WT1: variants seen among roughly 807,000 people sequenced by gnomAD.
WT1 encodes Wilms tumor protein.
In WT1, 8 loss-of-function variants were observed where a neutral mutation model predicts 60.8. The observed-to-expected ratio is 0.13, with a 90% confidence interval of 0.08 to 0.24. WT1 has a LOEUF of 0.24. WT1 is among the 10% of genes least tolerant of loss of function. The pLI is 1.00. For synonymous variants in WT1, 312 were observed against 297.1 expected (o/e 1.05, Z -0.52); for missense variants, 568 against 711.8 (o/e 0.80, Z 2.30).
At chr11:32,425,738 G>A (rs953710840) in intron 3 of WT1, among the ~76,000 whole-genome samples, 8 of 152,184 alleles carry the variant, frequency 5.3e-5, no homozygotes, top group Admixed American at 6.5e-5. Flanking sequence ...AATTTTCTGT[G>A]AGAGGGAAAA....
At chr11:32,414,034 A>G (rs538891504) in intron 5 of WT1, among the ~76,000 whole-genome samples, 5 of 152,334 alleles carry the variant, frequency 3.3e-5, no homozygotes, top group East Asian at 3.9e-4. Context: ...ACGGCACCCA[A>G]TACTGTTTAT....
chr11:32,390,100 C>A (rs577143359), intron 9 of WT1, among the ~76,000 whole-genome samples: 9 of 152,254 alleles, frequency 5.9e-5, no homozygotes, highest in East Asian at 1.9e-4. Flanking sequence ...AATTCCAGAG[C>A]CCGTGCTCTT....
intron 3 of WT1, among the ~76,000 whole-genome samples, chr11:32,427,440 G>T (rs1378322696): frequency 2.0e-5 from 3 of 152,228 alleles, no homozygotes; most frequent in Admixed American, 2.0e-4. Context: ...CCGGCCGGGG[G>T]CCCACCCCAG....
chr11:32,434,613 A>G, intron 1 of WT1, 87 bp downstream of exon 1: 2 of 1,597,774 alleles, frequency 1.3e-6, no homozygotes, highest in Admixed American at 1.7e-5. Context: ...GCTGCGGTCA[A>G]AAGGGGTAGG....
At chr11:32,417,896 A>G (rs1852729835) in intron 3 of WT1, among the ~76,000 whole-genome samples, 1 of 152,204 alleles carries the variant, frequency 6.6e-6, no homozygotes, top group African/African-American at 2.4e-5. Flanking sequence ...AAACCTTTGT[A>G]TAGCAACTAT....
At chr11:32,433,204 A>G (rs775339201) in intron 1 of WT1, among the ~76,000 whole-genome samples, 5 of 152,242 alleles carry the variant, frequency 3.3e-5, no homozygotes, top group Non-Finnish European at 5.9e-5. Context: ...AGCCTCAGCG[A>G]CCAGTAAGTT....
intron 8 of WT1, 51 bp downstream of exon 8, chr11:32,392,615 C>T (rs2132918506): frequency 1.3e-6 from 2 of 1,558,716 alleles, no homozygotes; most frequent in South Asian, 1.1e-5. Flanking sequence ...ATGAAATCAA[C>T]CCTAGCCCAA....
intron 3 of WT1, among the ~76,000 whole-genome samples, chr11:32,427,227 C>A (rs563585732): frequency 1.9e-4 from 29 of 152,346 alleles, no homozygotes; most frequent in African/African-American, 7.0e-4. Flanking sequence ...CGCGGGCGGC[C>A]GGCCAAGTTC....
chr11:32,395,886 A>G (rs5030280), intron 7 of WT1, among the ~76,000 whole-genome samples: 23,455 of 152,080 alleles, frequency 0.15, 2,766 homozygotes, highest in East Asian at 0.65. Context: ...AAATTTCACA[A>G]TGATCTTGCC....
intron 9 of WT1, among the ~76,000 whole-genome samples, chr11:32,389,445 G>A (rs1851753702): frequency 6.6e-6 from 1 of 152,204 alleles, no homozygotes; most frequent in African/African-American, 2.4e-5. Context: ...TCAAGTTGGG[G>A]GAAATGTCTG....
At position 32,435,435 on chromosome 11, in the gene WT1, G is replaced by T. The variant is rs5030133; in HGVS notation, c.-75C>A. On this transcript the variant is annotated 5_prime_UTR_variant, in exon 1 of 10. Transcript: ENST00000452863. ...GCTCTGGGTGGGTGGGTGGGTGAAT[G>T]AGTAGGTGGGAGGGAGGGCGGGAAG... 849 of 344,022 alleles carry T rather than the reference G, an allele frequency of 2.5e-3. 6 individuals carry two copies. Among genetic ancestry groups the T allele is most frequent in the African/African-American group, 0.018 (792 of 43,162 alleles). The allele number at this position is 344,022 out of a possible 1,614,324, so 21.3% of individuals were successfully genotyped here. A position where few individuals can be genotyped will look rare whatever the true frequency, so the allele number is the denominator to read the frequency against.
At position 32,435,157 on chromosome 11, in the gene WT1, C is replaced by T. The variant is rs1554946680; in HGVS notation, c.204G>A (p.Gly68=). The T allele has an allele frequency of 6.6e-7, 1 of 1,521,788 alleles. No individual in the cohort carries two copies. Among genetic ancestry groups the T allele is most frequent in the Non-Finnish European group, 8.8e-7 (1 of 1,140,608 alleles). The allele number at this position is 1,521,788 out of a possible 1,614,324, so 94.3% of individuals were successfully genotyped here. The change falls in exon 1 of 10, where the codon GGG becomes GGA. Residue 68 remains glycine, a synonymous_variant. Coordinates refer to ENST00000452863, the MANE Select transcript of WT1 (RefSeq NM_024426.6). ...CGGAGCCCATTTGCTGCGGCTCAGA[C>T]CCGGACGCCCCGCGGCTCCTCCGGC...
intron 1 of WT1, chr11:32,430,675 A>G: frequency 6.9e-7 from 1 of 1,444,232 alleles, no homozygotes; most frequent in South Asian, 1.5e-5. Flanking sequence ...TCCGCACCCC[A>G]GAACTCGGGC....
chr11:32,417,489 A>G lies in WT1; in HGVS notation c.965+88T>C, dbSNP rs141222947. 1.1e-4 allele frequency: 131 copies of G among 1,217,438 alleles called. No homozygotes were observed. In the African/African-American group the frequency reaches 1.8e-3, roughly 16 times the overall value. 75.4% of individuals were successfully genotyped at this position (1,217,438 alleles called of 1,614,324 possible). On this transcript the variant is annotated intron_variant, in intron 4 of 9. Coordinates refer to ENST00000452863, the MANE Select transcript of WT1 (RefSeq NM_024426.6). Reference sequence around the variant, plus strand: ...GCTTTGCCCTTTCTTCTAAAACTGTACTTTCTTCATAAGTTCTAAGCACCT... The same window carrying G: ...GCTTTGCCCTTTCTTCTAAAACTGTGCTTTCTTCATAAGTTCTAAGCACCT...
At chr11:32,416,251 G>T (rs1280055489) in intron 5 of WT1, among the ~76,000 whole-genome samples, 1 of 152,092 alleles carries the variant, frequency 6.6e-6, no homozygotes, top group Non-Finnish European at 1.5e-5. Flanking sequence ...TGAACAGGAT[G>T]CTGCATAATT....
chr11:32,403,164 A>G (rs1852206299), intron 5 of WT1, among the ~76,000 whole-genome samples: 1 of 152,056 alleles, frequency 6.6e-6, no homozygotes, highest in East Asian at 1.9e-4. Flanking sequence ...GGAAAAAAAA[A>G]ACAGCCAGGC....
At chr11:32,427,753 T>C (rs1853104190) in intron 3 of WT1, among the ~76,000 whole-genome samples, 2 of 152,274 alleles carry the variant, frequency 1.3e-5, no homozygotes, top group African/African-American at 4.8e-5. Context: ...CTCATTTTTA[T>C]ACAACATAAG....
chr11:32,419,352 A>G (rs1347567473), intron 3 of WT1, among the ~76,000 whole-genome samples: 1 of 152,164 alleles, frequency 6.6e-6, no homozygotes. Context: ...TAATCTTACC[A>G]TTAATCTCAG....
At chr11:32,389,819 T>C (rs1457855586) in intron 9 of WT1, among the ~76,000 whole-genome samples, 2 of 152,158 alleles carry the variant, frequency 1.3e-5, no homozygotes, top group Non-Finnish European at 2.9e-5. Context: ...CTTAGATTTT[T>C]AATAAGCTTG....
Sources: allele counts gnomAD v4.1 joint callset (sites outside exome capture counted in the v4.1 genomes callset), GRCh38; gene constraint gnomAD v4.1.1; transcripts MANE v1.5; gene names NCBI Gene and HGNC (gene_info 2026-07-23, HGNC 2026-07-21).